CDH4: variants seen among roughly 807,000 people sequenced by gnomAD.
The protein encoded by CDH4 is cadherin-4.
Under a neutral mutation model 86.0 loss-of-function variants are expected in CDH4, and 33 were observed. That is an observed-to-expected ratio of 0.38 (90% CI 0.29 to 0.51). CDH4 has a LOEUF of 0.51. CDH4 is among the 20% of genes least tolerant of loss of function. CDH4 has a pLI of 0.86. For missense variants in CDH4, 1,114 were observed against 1,307.4 expected (o/e 0.85, Z 2.28); for synonymous variants, 555 against 549.4 (o/e 1.01, Z -0.14).
chr20:61,540,572 C>T (rs148729823), intron 2 of CDH4, among the ~76,000 whole-genome samples: 9 of 152,230 alleles, frequency 5.9e-5, no homozygotes, highest in South Asian at 2.1e-4. Flanking sequence ...ACGTGCCATA[C>T]GAAATGCCGG....
chr20:61,879,506 A>G lies in CDH4; in HGVS notation c.1050+5606A>G, dbSNP rs1984188392. Among the ~76,000 whole-genome samples the G allele has an allele frequency of 6.6e-6, 1 of 152,190 alleles. No individual in the cohort carries two copies. The highest frequency in any genetic ancestry group is 1.5e-5 in the Non-Finnish European group (1 of 68,042). ...CATCTTTAGGAAGAAGAAAATCCAC[A>G]AACATCATTGCCGCCGTGTCTAATT... is the stretch of plus-strand genomic sequence containing the variant. On this transcript the variant is annotated intron_variant, in intron 7 of 15. Coordinates refer to ENST00000614565, the MANE Select transcript of CDH4 (RefSeq NM_001794.5). This position sits in a 1 kb window ranked among gnomAD's most constrained non-coding sequence, Gnocchi z 4.1.
chr20:61,628,142 C>T (rs914366383), intron 2 of CDH4, among the ~76,000 whole-genome samples: 10 of 152,150 alleles, frequency 6.6e-5, no homozygotes, highest in Admixed American at 6.5e-5. Flanking sequence ...ACCCAAGCCC[C>T]GAAGCCCGCA....
At chr20:61,777,031 G>C (rs1280411606) in intron 4 of CDH4, among the ~76,000 whole-genome samples, 1 of 152,200 alleles carries the variant, frequency 6.6e-6, no homozygotes, top group African/African-American at 2.4e-5. Flanking sequence ...GGAGCCCTGG[G>C]TGAGCAGTTC....
chr20:61,375,132 T>C (rs545066847), intron 2 of CDH4, among the ~76,000 whole-genome samples: 4 of 152,226 alleles, frequency 2.6e-5, no homozygotes, highest in Non-Finnish European at 5.9e-5. Context: ...TTTGGGCACA[T>C]GTTCTCATGA....
intron 3 of CDH4, among the ~76,000 whole-genome samples, chr20:61,756,936 GGTTT>G (rs1600953039): frequency 6.6e-6 from 1 of 152,074 alleles, no homozygotes; most frequent in East Asian, 1.9e-4. Flanking sequence ...AGAAAATGGT[GGTTT>G]GTTTTATCCT....
intron 3 of CDH4, among the ~76,000 whole-genome samples, chr20:61,767,686 C>T (rs2088716578): frequency 6.6e-6 from 1 of 152,106 alleles, no homozygotes; most frequent in Admixed American, 6.5e-5. Flanking sequence ...TCAGGGAGCC[C>T]AGTGGGGCTG....
intron 2 of CDH4, among the ~76,000 whole-genome samples, chr20:61,606,002 C>T (rs1416060391): frequency 1.3e-5 from 2 of 152,078 alleles, no homozygotes; most frequent in East Asian, 1.9e-4. Flanking sequence ...GACTCTGGAG[C>T]CAAACCTCTG....
chr20:61,778,594 G>A (rs892124416), intron 4 of CDH4, among the ~76,000 whole-genome samples: 3 of 152,052 alleles, frequency 2.0e-5, no homozygotes, highest in Non-Finnish European at 2.9e-5. Context: ...AGGGAGCCAC[G>A]CCTGGTGGTT....
chr20:61,694,895 C>T (rs537013757), intron 2 of CDH4, among the ~76,000 whole-genome samples: 1 of 152,364 alleles, frequency 6.6e-6, no homozygotes, highest in East Asian at 1.9e-4. Context: ...AATGTCATAG[C>T]TTCAGATCCC....
chr20:61,707,448 C>A (rs1419364707), intron 2 of CDH4, among the ~76,000 whole-genome samples: 1 of 152,218 alleles, frequency 6.6e-6, no homozygotes, highest in African/African-American at 2.4e-5. Context: ...TGGCTATGTC[C>A]TCCCTGGCAC....
chr20:61,654,681 G>A (rs2087167736), intron 2 of CDH4, among the ~76,000 whole-genome samples: 2 of 152,252 alleles, frequency 1.3e-5, no homozygotes, highest in African/African-American at 2.4e-5. Context: ...ACAAAGGAAA[G>A]TTTACAAAGG....
chr20:61,616,192 G>A (rs749195889), intron 2 of CDH4, among the ~76,000 whole-genome samples: 4 of 152,356 alleles, frequency 2.6e-5, no homozygotes, highest in East Asian at 1.9e-4. Flanking sequence ...CAGCACTGCC[G>A]TCTCTGACCA....
intron 2 of CDH4, among the ~76,000 whole-genome samples, chr20:61,478,391 A>G (rs2085550948): frequency 6.7e-6 from 1 of 149,548 alleles, no homozygotes. Flanking sequence ...TTGTGGAGCA[A>G]TGAGGTTTCT....
In CDH4 at chr20:61,684,983, G is replaced by A. The variant is rs1370223735; in HGVS notation, c.170-58580G>A. On this transcript the variant is annotated intron_variant, in intron 2 of 15. Transcript: ENST00000614565. This position sits in a 1 kb window ranked among gnomAD's most constrained non-coding sequence, Gnocchi z 4.5. ...AATTCAGAGTTCCATGTATAGTGTA[G>A]AGTTGAGTATATGTTACAGAGAGCA... 2.0e-5 allele frequency among the ~76,000 whole-genome samples: 3 copies of A among 152,154 alleles called. No homozygotes were observed. The highest frequency in any genetic ancestry group is 4.4e-5 in the Non-Finnish European group (3 of 68,046).
intron 7 of CDH4, among the ~76,000 whole-genome samples, chr20:61,876,064 C>T (rs1051922510): frequency 2.0e-5 from 3 of 152,248 alleles, no homozygotes; most frequent in Non-Finnish European, 2.9e-5. Context: ...CCCCTGTCCA[C>T]ACACTCCCAC....
intron 2 of CDH4, among the ~76,000 whole-genome samples, chr20:61,707,675 C>A (rs1457409688): frequency 6.6e-6 from 1 of 152,220 alleles, no homozygotes; most frequent in Non-Finnish European, 1.5e-5. Flanking sequence ...ATAATGAAGA[C>A]AATTTTTCCA....
intron 2 of CDH4, among the ~76,000 whole-genome samples, chr20:61,654,914 C>G (rs368450050): frequency 1.6e-5 from 1 of 62,402 alleles, no homozygotes; most frequent in Non-Finnish European, 5.0e-5. Flanking sequence ...GACAGGGACA[C>G]GGGGGCCTGA....
intron 2 of CDH4, among the ~76,000 whole-genome samples, chr20:61,742,544 C>T (rs1170731020): frequency 6.6e-6 from 1 of 152,114 alleles, no homozygotes; most frequent in Non-Finnish European, 1.5e-5. Flanking sequence ...GCTGTGACAG[C>T]AAAATTGCTT....
rs537676610 is a variant in CDH4 at position 61,606,411 on chromosome 20, T to C, written c.170-137152T>C. ...CCCCAGAGTCACACAGCAGGTCAAG[T>C]GGGGGAGCTGGGATTTGAACCCAGA... is the stretch of plus-strand genomic sequence containing the variant. On this transcript the variant is annotated intron_variant, in intron 2 of 15. Coordinates refer to ENST00000614565, the MANE Select transcript of CDH4 (RefSeq NM_001794.5). Among the ~76,000 whole-genome samples, 3 of 152,230 alleles carry C rather than the reference T, an allele frequency of 2.0e-5. No homozygotes were observed. In the South Asian group the frequency reaches 6.2e-4, roughly 32 times the overall value.
Sources: allele counts gnomAD v4.1 joint callset (sites outside exome capture counted in the v4.1 genomes callset), GRCh38; gene constraint gnomAD v4.1.1; non-coding constraint Gnocchi (gnomAD v3.1); transcripts MANE v1.5; gene names NCBI Gene and HGNC (gene_info 2026-07-23, HGNC 2026-07-21).